FOXK2: variants seen among roughly 807,000 people sequenced by gnomAD.
The protein encoded by FOXK2 is forkhead box K2.
FOXK2 carries 24 observed loss-of-function variants against 53.3 expected under a neutral mutation model. The ratio of observed to expected loss-of-function variants is 0.45; its 90% CI spans 0.33 to 0.63. FOXK2 has a LOEUF of 0.63. FOXK2 is among the 30% of genes least tolerant of loss of function. The pLI, the probability that FOXK2 is intolerant of heterozygous loss-of-function variation, is 0.03. For missense variants in FOXK2, 952 were observed against 910.5 expected, an observed-to-expected ratio of 1.05 and a Z score of -0.59; for synonymous variants, 505 against 407.1, an observed-to-expected ratio of 1.24 and a Z score of -2.89.
At chr17:82,589,184 C>A (rs140383622) in intron 8 of FOXK2, among the ~76,000 whole-genome samples, 1 of 151,974 alleles carries the variant, frequency 6.6e-6, no homozygotes, top group Admixed American at 6.6e-5. Flanking sequence ...AAAGCTTTTA[C>A]GGGATTATTT....
At position 82,519,954 on chromosome 17, in the gene FOXK2, C is replaced by G. The variant is rs1048660999; in HGVS notation, c.66C>G (p.Gly22=). ...CACCCGCGGGCGGCGGGGCCGGGGG[C>G]GGCGGGGCCGGGGGCGGCGGGTCCC... ...GTPPAGGGAG[G]GGAGGGGSPP... is the part of the protein sequence containing the mutation. The change falls in exon 1 of 9, where the codon GGC becomes GGG. Residue 22 remains glycine, a synonymous_variant. Coordinates refer to ENST00000335255, the MANE Select transcript of FOXK2 (RefSeq NM_004514.4). 1 of 1,019,196 alleles carries G rather than the reference C, an allele frequency of 9.8e-7. No homozygotes were observed. The highest frequency in any genetic ancestry group is 1.2e-6 in the Non-Finnish European group (1 of 852,802). 63.1% of individuals were successfully genotyped at this position (1,019,196 alleles called of 1,614,324 possible).
intron 2 of FOXK2, among the ~76,000 whole-genome samples, chr17:82,567,318 G>T (rs540344951): frequency 6.6e-6 from 1 of 152,278 alleles, no homozygotes; most frequent in East Asian, 1.9e-4. Flanking sequence ...AGAAAATGAG[G>T]CATGGAGAGA....
chr17:82,587,458 C>T (rs1235042720), intron 8 of FOXK2, 186 bp downstream of exon 8: 1 of 611,746 alleles, frequency 1.6e-6, no homozygotes, highest in Non-Finnish European at 2.9e-6. Context: ...TCATGGGATT[C>T]CCGTGGGAGG....
At chr17:82,575,732 G>A (rs971206977) in intron 4 of FOXK2, among the ~76,000 whole-genome samples, 9 of 152,176 alleles carry the variant, frequency 5.9e-5, no homozygotes, top group African/African-American at 2.2e-4. Context: ...GATCACAGGA[G>A]ATTCTGAAAT....
At chr17:82,559,503 G>GGGAACACGTC (rs1327776362) in intron 1 of FOXK2, 15 of 456,220 alleles carry the variant, frequency 3.3e-5, no homozygotes, top group African/African-American at 2.6e-4. Flanking sequence ...GGGTGGTCCT[G>GGGAACACGTC]GGAACACGTC....
At chr17:82,562,605 T>C (rs1017549876) in intron 1 of FOXK2, among the ~76,000 whole-genome samples, 1 of 151,980 alleles carries the variant, frequency 6.6e-6, no homozygotes, top group Non-Finnish European at 1.5e-5. Context: ...AAAGGAATTA[T>C]TTTTCTTAAA....
chr17:82,534,186 C>T (rs1456845275), intron 1 of FOXK2, among the ~76,000 whole-genome samples: 2 of 151,822 alleles, frequency 1.3e-5, no homozygotes, highest in Non-Finnish European at 2.9e-5. Context: ...GTTGAGGCTG[C>T]TGTGGACTGT....
At chr17:82,597,587 C>T (rs900829911) in intron 8 of FOXK2, among the ~76,000 whole-genome samples, 4 of 152,298 alleles carry the variant, frequency 2.6e-5, no homozygotes, top group East Asian at 1.9e-4. Context: ...CGGAGTACCT[C>T]GCGACAGAGG....
At chr17:82,520,902 A>G (rs1304239111) in intron 1 of FOXK2, among the ~76,000 whole-genome samples, 1 of 152,276 alleles carries the variant, frequency 6.6e-6, no homozygotes, top group African/African-American at 2.4e-5. Flanking sequence ...TGAACCTTAA[A>G]ATTTAGGGAA....
At chr17:82,558,213 G>A (rs1250464544) in intron 1 of FOXK2, among the ~76,000 whole-genome samples, 1 of 151,822 alleles carries the variant, frequency 6.6e-6, no homozygotes, top group Non-Finnish European at 1.5e-5. Flanking sequence ...GGTGGCGTGT[G>A]CCTGTAGTCC....
intron 1 of FOXK2, among the ~76,000 whole-genome samples, 185 bp downstream of exon 1, chr17:82,520,492 C>G (rs1462969934): frequency 1.3e-5 from 2 of 151,954 alleles, no homozygotes; most frequent in Non-Finnish European, 2.9e-5. Flanking sequence ...GGCCCCGACC[C>G]CCGTCCTCCC....
intron 4 of FOXK2, chr17:82,578,566 T>C (rs566828495): frequency 7.9e-5 from 12 of 152,312 alleles, no homozygotes; most frequent in African/African-American, 2.6e-4. Flanking sequence ...CTTAGAAACA[T>C]AGTTACTTTA....
intron 1 of FOXK2, among the ~76,000 whole-genome samples, chr17:82,543,803 GTCT>G (rs1338610158): frequency 7.1e-6 from 1 of 140,590 alleles, no homozygotes; most frequent in Non-Finnish European, 1.5e-5. Context: ...TTGAGACGGA[GTCT>G]TCTTCTGTCA....
At chr17:82,527,357 G>A (rs537526430) in intron 1 of FOXK2, among the ~76,000 whole-genome samples, 90 of 152,222 alleles carry the variant, frequency 5.9e-4, no homozygotes, top group Non-Finnish European at 1.1e-3. Flanking sequence ...GGCTGGGCCC[G>A]GTGGCTCTTG....
chr17:82,526,341 T>G (rs190396094), intron 1 of FOXK2, among the ~76,000 whole-genome samples: 2 of 152,114 alleles, frequency 1.3e-5, no homozygotes, highest in East Asian at 3.9e-4. Context: ...CAGGAAGTCT[T>G]GGGCAGCCTT....
intron 1 of FOXK2, among the ~76,000 whole-genome samples, chr17:82,537,131 G>A (rs958870529): frequency 3.9e-5 from 6 of 152,180 alleles, no homozygotes; most frequent in Admixed American, 2.0e-4. Flanking sequence ...GCAGTTGGTG[G>A]GGGCCAGCCT....
At chr17:82,521,202 T>A (rs2044358389) in intron 1 of FOXK2, among the ~76,000 whole-genome samples, 1 of 152,164 alleles carries the variant, frequency 6.6e-6, no homozygotes, top group Non-Finnish European at 1.5e-5. Context: ...AGACGGAGGC[T>A]CACTTTGTCG....
chr17:82,572,770 C>T (rs189047475), intron 4 of FOXK2, among the ~76,000 whole-genome samples: 1 of 152,118 alleles, frequency 6.6e-6, no homozygotes, highest in African/African-American at 2.4e-5. Flanking sequence ...AGTAAATGAT[C>T]CTTTAAAAAA....
rs141528762 is a variant in FOXK2, at chr17:82,587,249, C to T, written c.1763C>T (p.Ala588Val). The T allele has an allele frequency of 2.5e-6, 4 of 1,612,832 alleles. No homozygotes were observed. Among genetic ancestry groups the T allele is most frequent in the Non-Finnish European group, 2.5e-6 (3 of 1,179,824 alleles). The change falls in exon 8 of 9, where the codon GCG (alanine) becomes GTG (valine). Residue 588 changes from alanine (A) to valine (V), a missense_variant. Physicochemically the swap from Ala to Val is moderately conservative, Grantham distance 64 (BLOSUM62 0). Coordinates refer to ENST00000335255, the MANE Select transcript of FOXK2 (RefSeq NM_004514.4). ...NGTHVASVPT[A>V]VHGQVNNAAA... ...ACTCACGTGGCATCAGTCCCCACTGCGGTCCACGGCCAGGTGAACAATGGT... is the reference window on the plus strand; with the variant it reads ...ACTCACGTGGCATCAGTCCCCACTGTGGTCCACGGCCAGGTGAACAATGGT...
Sources: gnomAD v4.1 joint callset for allele counts (sites outside exome capture counted in the v4.1 genomes callset) on GRCh38, gnomAD v4.1.1 for gene constraint, MANE v1.5 for transcripts, NCBI Gene and HGNC (gene_info 2026-07-23, HGNC 2026-07-21) for gene names.